Variants in BAHCC1 observed in about 807,000 individuals in gnomAD.
The protein encoded by BAHCC1 is BAH and coiled-coil domain-containing protein 1.
Under a neutral mutation model 88.2 loss-of-function variants are expected in BAHCC1, and 43 were observed. The observed-to-expected ratio is 0.49, with a 90% confidence interval of 0.38 to 0.63. The LOEUF (loss-of-function observed/expected upper bound fraction) is 0.63, where lower values mean the gene tolerates loss of function less well. Among genes scored for constraint, BAHCC1 ranks in the 20% least tolerant of loss-of-function variants. The pLI is 0.00. For missense variants in BAHCC1, 3,023 were observed against 1,654.8 expected (o/e 1.83, Z -14.34); for synonymous variants, 1,510 against 745.5 (o/e 2.03, Z -16.71).
rs370107300 is a variant in BAHCC1 at position 81,441,923 on chromosome 17, C to T, written c.574C>T (p.Pro192Ser). 1.8e-5 allele frequency: 13 copies of T among 730,648 alleles called. No individual in the cohort carries two copies. In the African/African-American group the frequency reaches 1.9e-4, roughly 11 times the overall value. The allele number at this position is 730,648 out of a possible 1,614,324, so 45.3% of individuals were successfully genotyped here. A position where few individuals can be genotyped will look rare whatever the true frequency, so the allele number is the denominator to read the frequency against. ...CGTGGCCCGGGCCGCCCCTGCCCAC[C>T]CCATGGGCTCCTGCAGCCGGGATCG... ...PSVARAAPAHPMGSCSRDRDR... is the reference protein window; with the variant it reads ...PSVARAAPAHSMGSCSRDRDR... The change falls in exon 5 of 28, where the codon CCC (proline) becomes TCC (serine). Residue 192 changes from proline to serine, a missense_variant. Coordinates refer to ENST00000675386, the MANE Select transcript of BAHCC1 (RefSeq NM_001377448.1).
intron 2 of BAHCC1, among the ~76,000 whole-genome samples, chr17:81,420,504 A>G (rs1431744560): frequency 6.6e-6 from 1 of 152,248 alleles, no homozygotes. Context: ...TCCGGGTCAG[A>G]CTGGCCTCCC....
intron 1 of BAHCC1, among the ~76,000 whole-genome samples, chr17:81,398,810 A>G (rs1182240699): frequency 6.6e-6 from 1 of 151,712 alleles, no homozygotes; most frequent in Non-Finnish European, 1.5e-5. Flanking sequence ...CTGGGGTCCT[A>G]GCGCGATGCT....
In BAHCC1 at chr17:81,451,765, T is replaced by C; in HGVS notation, c.4074T>C (p.Thr1358=). Residue 1358 remains threonine (T), a synonymous_variant, in exon 12 of 28, where the codon ACT becomes ACC. Coordinates refer to ENST00000675386, the MANE Select transcript of BAHCC1 (RefSeq NM_001377448.1). ...AGGCCGCTGGCCTGGACAGCTCCAC[T>C]GCCCCAGCGCAGCCGCCCACAGCCA... ...LVEAAGLDSS[T]APAQPPTANP... 1.3e-6 allele frequency: 1 copy of C among 771,340 alleles called. No individual in the cohort carries two copies. Among genetic ancestry groups the C allele is most frequent in the Non-Finnish European group, 2.4e-6 (1 of 417,044 alleles). The allele number at this position is 771,340 out of a possible 1,614,324, so 47.8% of individuals were successfully genotyped here. A position where few individuals can be genotyped will look rare whatever the true frequency, so the allele number is the denominator to read the frequency against.
At position 81,459,561 on chromosome 17, in the gene BAHCC1, G is replaced by T. The variant is rs1555658563; in HGVS notation, c.5862G>T (p.Trp1954Cys). 1.3e-6 allele frequency: 1 copy of T among 779,724 alleles called. No homozygotes were observed. The highest frequency in any genetic ancestry group is 1.3e-5 in the South Asian group (1 of 74,630). 48.3% of individuals were successfully genotyped at this position (779,724 alleles called of 1,614,324 possible). A position where few individuals can be genotyped will look rare whatever the true frequency, so the allele number is the denominator to read the frequency against. Residue 1954 changes from tryptophan to cysteine, a missense_variant, in exon 23 of 28, where the codon TGG becomes TGT. Physicochemically the swap from Trp to Cys is radical, Grantham distance 215. Transcript: ENST00000675386. ...CCGGCACGCGGGTCTGCGCCTACTG[G>T]AGTCAGAAGTCTCGATGTCTGTACC... The part of the protein sequence containing the change: ...LPPGTRVCAY[W>C]SQKSRCLYPG...
rs557471445 is a variant in BAHCC1, at chr17:81,399,892, G to A, written c.153G>A (p.Ser51=). ...AHFQPGKYFP[S]PLPMASHTAS... ...TCCAGCCGGGAAAGTACTTCCCGTC[G>A]CCGTTGCCCATGGCTTCGCACACAG... The change falls in exon 2 of 28, where the codon TCG becomes TCA. Residue 51 remains serine, a synonymous_variant. Transcript: ENST00000675386. The surrounding 1 kb of genome is among the most constrained non-coding windows in gnomAD (Gnocchi z 4.5). 2.8e-6 allele frequency: 4 copies of A among 1,448,102 alleles called. No individual in the cohort carries two copies. The highest frequency in any genetic ancestry group is 2.6e-5 in the Admixed American group (1 of 37,780). The allele number at this position is 1,448,102 out of a possible 1,614,324, so 89.7% of individuals were successfully genotyped here.
intron 3 of BAHCC1, among the ~76,000 whole-genome samples, chr17:81,427,780 C>T (rs1192736014): frequency 1.3e-5 from 2 of 152,196 alleles, no homozygotes; most frequent in Non-Finnish European, 2.9e-5. Flanking sequence ...GCAGCGGGCA[C>T]ACAGGGCTCT....
In BAHCC1 at chr17:81,452,711, T is replaced by C. The variant is rs534727558; in HGVS notation, c.4317-12T>C. 1.7e-5 allele frequency: 13 copies of C among 743,688 alleles called. No homozygotes were observed. The highest frequency in any genetic ancestry group is 1.6e-4 in the African/African-American group (9 of 55,952). The allele number at this position is 743,688 out of a possible 1,614,324, so 46.1% of individuals were successfully genotyped here. A position where few individuals can be genotyped will look rare whatever the true frequency, so the allele number is the denominator to read the frequency against. ...TGCATGAGCCTCTGACCATCCCCCC[T>C]GCGGCCCCCAGGAGAGACGAGAGTT... is the stretch of plus-strand genomic sequence containing the variant. On this transcript the variant is annotated splice_polypyrimidine_tract_variant and intron_variant, in intron 13 of 27. Coordinates refer to ENST00000675386, the MANE Select transcript of BAHCC1 (RefSeq NM_001377448.1).
chr17:81,451,590 G>A (rs1598499679), intron 11 of BAHCC1, 78 bp from the exon 12 acceptor site: 3 of 667,170 alleles, frequency 4.5e-6, no homozygotes, highest in East Asian at 5.3e-5. Flanking sequence ...GCTTCAGGGG[G>A]CCAGGGCTGA....
rs1555645572 is a variant in BAHCC1 at position 81,399,523 on chromosome 17, T to C, written c.-206-11T>C. 1 of 356,116 alleles carries C rather than the reference T, an allele frequency of 2.8e-6. No homozygotes were observed. The highest frequency in any genetic ancestry group is 5.6e-6 in the Non-Finnish European group (1 of 177,804). 22.1% of individuals were successfully genotyped at this position (356,116 alleles called of 1,614,324 possible). On this transcript the variant is annotated splice_polypyrimidine_tract_variant and intron_variant, in intron 1 of 27. Coordinates refer to ENST00000675386, the MANE Select transcript of BAHCC1 (RefSeq NM_001377448.1). The surrounding 1 kb of genome is among the most constrained non-coding windows in gnomAD (Gnocchi z 4.5). ...CAGTCACCCGTGTCTCCTCTGCTTT[T>C]GCCTCCACAGACCATGGACCCGCAC...
At chr17:81,402,519 C>G (rs2063830413) in intron 2 of BAHCC1, 1 of 152,210 alleles carries the variant, frequency 6.6e-6, no homozygotes, top group African/African-American at 2.4e-5. Context: ...GCCTTGCTTC[C>G]CATTTTCCTG....
At chr17:81,453,542 C>T (rs534727196) in intron 14 of BAHCC1, among the ~76,000 whole-genome samples, 27 of 152,174 alleles carry the variant, frequency 1.8e-4, no homozygotes, top group African/African-American at 5.8e-4. Context: ...GAGAAGGTTA[C>T]GGGGAGGGGC....
In BAHCC1 at chr17:81,399,152, TGCGA is replaced by T. The variant is rs782707150; in HGVS notation, c.-206-380_-206-377del. On this transcript the variant is annotated intron_variant, in intron 1 of 27. Coordinates refer to ENST00000675386, the MANE Select transcript of BAHCC1 (RefSeq NM_001377448.1). This position sits in a 1 kb window ranked among gnomAD's most constrained non-coding sequence, Gnocchi z 4.5. ...GAGTGTGTGTGTGTGTGTGTGTGTG[TGCGA>T]GTGTGCGTGATGGCTTCGCAGATTT... 3.3e-5 allele frequency: 12 copies of T among 367,414 alleles called. No homozygotes were observed. Among genetic ancestry groups the T allele is most frequent in the Non-Finnish European group, 5.0e-5 (9 of 179,128 alleles). 22.8% of individuals were successfully genotyped at this position (367,414 alleles called of 1,614,324 possible). A position where few individuals can be genotyped will look rare whatever the true frequency, so the allele number is the denominator to read the frequency against.
Position 81,445,037 on chromosome 17 carries a change from A to G in BAHCC1, c.2694A>G (p.Ser898=). 1 of 764,596 alleles carries G rather than the reference A, an allele frequency of 1.3e-6. No individual in the cohort carries two copies. Among genetic ancestry groups the G allele is most frequent in the Non-Finnish European group, 2.4e-6 (1 of 412,844 alleles). 47.4% of individuals were successfully genotyped at this position (764,596 alleles called of 1,614,324 possible). A position where few individuals can be genotyped will look rare whatever the true frequency, so the allele number is the denominator to read the frequency against. ...HALADVMDQA[S]LWPPMYGGRG... ...CAGCGGATGTCATGGACCAGGCGTCACTGTGGCCCCCCATGTACGGGGGCC... is the reference window on the plus strand; with the variant it reads ...CAGCGGATGTCATGGACCAGGCGTCGCTGTGGCCCCCCATGTACGGGGGCC... The change falls in exon 9 of 28, where the codon TCA becomes TCG. Residue 898 remains serine, a synonymous_variant. Transcript: ENST00000675386.
At chr17:81,452,908 G>A in intron 14 of BAHCC1, 57 bp downstream of exon 14, 1 of 662,588 alleles carries the variant, frequency 1.5e-6, no homozygotes, top group East Asian at 3.0e-5. Context: ...GGCCCTCGAG[G>A]CTGGGGAGCA....
rs367767856 is a variant in BAHCC1, at chr17:81,462,512, C to T, written c.7384-228C>T. The T allele has an allele frequency of 1.3e-3, 712 of 568,472 alleles. 15 individuals carry two copies. In the South Asian group the frequency reaches 0.015, roughly 12 times the overall value. The allele number at this position is 568,472 out of a possible 1,614,324, so 35.2% of individuals were successfully genotyped here. On this transcript the variant is annotated intron_variant, in intron 26 of 27. Transcript: ENST00000675386. ...CCCTGTCCCAGATCCAGTGTCCAGA[C>T]GTCATGATTCCATGTGCGGGCTCCG... is the stretch of plus-strand genomic sequence containing the variant.
chr17:81,436,182 A>C (rs949098722), intron 3 of BAHCC1, among the ~76,000 whole-genome samples: 186 of 151,898 alleles, frequency 1.2e-3, no homozygotes, highest in Non-Finnish European at 3.1e-4. Flanking sequence ...GTGGGGACCC[A>C]AGCAGGCAAG....
rs2143465482 is a variant in BAHCC1 at position 81,435,090 on chromosome 17, C to G, written c.359-3280C>G. Among the ~76,000 whole-genome samples, 1 of 152,182 alleles carries G rather than the reference C, an allele frequency of 6.6e-6. No individual in the cohort carries two copies. Among genetic ancestry groups the G allele is most frequent in the Non-Finnish European group, 1.5e-5 (1 of 67,982 alleles). ...CCCACTCCTCTGTCCTTCAGCCCTGCCCCAGGGGCACCCCCGACCCCCACT... is the reference window on the plus strand; with the variant it reads ...CCCACTCCTCTGTCCTTCAGCCCTGGCCCAGGGGCACCCCCGACCCCCACT... On this transcript the variant is annotated intron_variant, in intron 3 of 27. Coordinates refer to ENST00000675386, the MANE Select transcript of BAHCC1 (RefSeq NM_001377448.1). The surrounding 1 kb of genome is among the most constrained non-coding windows in gnomAD (Gnocchi z 4.4).
At chr17:81,400,207 C>A (rs1438525621) in intron 2 of BAHCC1, among the ~76,000 whole-genome samples, 1 of 152,216 alleles carries the variant, frequency 6.6e-6, no homozygotes, top group Admixed American at 6.5e-5. Flanking sequence ...CCCCCGCCCC[C>A]TCCTGCAGAT....
chr17:81,415,788 T>A (rs2064012938), intron 2 of BAHCC1, among the ~76,000 whole-genome samples: 1 of 152,230 alleles, frequency 6.6e-6, no homozygotes, highest in South Asian at 2.1e-4. Context: ...CCAGCCCTGC[T>A]TAAGCTGACT....
Sources: gnomAD v4.1 joint callset for allele counts (sites outside exome capture counted in the v4.1 genomes callset) on GRCh38, gnomAD v4.1.1 for gene constraint, Gnocchi (gnomAD v3.1) non-coding constraint, MANE v1.5 for transcripts, NCBI Gene and HGNC (gene_info 2026-07-23, HGNC 2026-07-21) for gene names.